Variants in COL28A1 observed in about 807,000 individuals in gnomAD.
COL28A1 encodes collagen alpha-1(XXVIII) chain.
COL28A1 carries 161 observed loss-of-function variants against 150.2 expected under a neutral mutation model. The ratio of observed to expected loss-of-function variants is 1.07; its 90% CI spans 0.94 to 1.22. COL28A1 has a LOEUF of 1.22. Ranked by LOEUF, COL28A1 falls within the 50% of genes most tolerant of loss-of-function variation. The pLI, the probability that COL28A1 is intolerant of heterozygous loss-of-function variation, is 0.00. For missense variants in COL28A1, 1,617 were observed against 1,388.3 expected, an observed-to-expected ratio of 1.16 and a Z score of -2.62; for synonymous variants, 552 against 469.7, an observed-to-expected ratio of 1.18 and a Z score of -2.26.
intron 25 of COL28A1, among the ~76,000 whole-genome samples, chr7:7,421,268 A>T (rs1399719052): frequency 1.3e-5 from 2 of 152,208 alleles, no homozygotes; most frequent in Non-Finnish European, 2.9e-5. Flanking sequence ...TAGAAACAAA[A>T]AGTAGATTAG....
intron 25 of COL28A1, among the ~76,000 whole-genome samples, chr7:7,420,587 CAT>C (rs1249774192): frequency 2.0e-5 from 3 of 152,200 alleles, no homozygotes; most frequent in Non-Finnish European, 4.4e-5. Flanking sequence ...CATGTATGTT[CAT>C]ATATGTTATT....
At chr7:7,405,594 A>G (rs1402198303) in intron 27 of COL28A1, among the ~76,000 whole-genome samples, 1 of 152,184 alleles carries the variant, frequency 6.6e-6, no homozygotes, top group Non-Finnish European at 1.5e-5. Context: ...CACTGTCTTT[A>G]TGCCAACAAA....
At chr7:7,342,354 T>A in the COL28A1 span, among the ~76,000 whole-genome samples, 1 of 152,078 alleles carries the variant, frequency 6.6e-6, no homozygotes, top group Non-Finnish European at 1.5e-5. Flanking sequence ...GGTAAAAGAA[T>A]GTATAGTTAG....
intron 27 of COL28A1, among the ~76,000 whole-genome samples, chr7:7,401,659 C>T (rs984401104): frequency 1.3e-5 from 2 of 152,096 alleles, no homozygotes; most frequent in African/African-American, 2.4e-5. Context: ...CTTCCACCAT[C>T]ACCACCCTGC....
At chr7:7,401,330 T>A (rs1783193891) in intron 27 of COL28A1, among the ~76,000 whole-genome samples, 1 of 152,058 alleles carries the variant, frequency 6.6e-6, no homozygotes, top group African/African-American at 2.4e-5. Flanking sequence ...CTCAAGACTT[T>A]AAATACCATC....
intron 15 of COL28A1, among the ~76,000 whole-genome samples, chr7:7,462,687 C>T (rs56084871): frequency 3.3e-5 from 5 of 151,886 alleles, no homozygotes; most frequent in East Asian, 1.9e-4. Context: ...AGAGAAACCC[C>T]GTCTCTACTA....
At chr7:7,415,348 G>A (rs1784010684) in intron 27 of COL28A1, among the ~76,000 whole-genome samples, 1 of 152,208 alleles carries the variant, frequency 6.6e-6, no homozygotes, top group Non-Finnish European at 1.5e-5. Flanking sequence ...AAATGACTCA[G>A]AAGAATGCCA....
chr7:7,458,751 T>C (rs1196080450), intron 15 of COL28A1, among the ~76,000 whole-genome samples: 1 of 152,098 alleles, frequency 6.6e-6, no homozygotes. Context: ...TTCAGATGAG[T>C]GTAAGTAACT....
intron 27 of COL28A1, chr7:7,417,489 AAGGGAAGGAGGGAGGGGG>A (rs1179576068): frequency 4.7e-5 from 10 of 214,980 alleles, no homozygotes; most frequent in South Asian, 1.1e-4. Context: ...TGAGGAAGGT[AAGGGAAGGAGGGAGGGGG>A]AGGGAAGGAG....
chr7:7,519,968 T>C (rs1033351272), intron 6 of COL28A1, 94 bp downstream of exon 6: 3 of 697,488 alleles, frequency 4.3e-6, no homozygotes, highest in African/African-American at 3.6e-5. Context: ...TTTTGCCATA[T>C]ACTACAATGC....
chr7:7,524,734 G>A (rs948479214), intron 3 of COL28A1, among the ~76,000 whole-genome samples: 1 of 151,920 alleles, frequency 6.6e-6, no homozygotes, highest in African/African-American at 2.4e-5. Context: ...AATATTAATG[G>A]GTGTTAGATC....
At chr7:7,350,655 CT>C in the COL28A1 span, among the ~76,000 whole-genome samples, 3,286 of 115,048 alleles carry the variant, frequency 0.029, 139 homozygotes, top group African/African-American at 0.1. Context: ...GTTTTCTTTC[CT>C]TTTTTTTTTT....
At chr7:7,385,723 G>C (rs912673103) in intron 27 of COL28A1, among the ~76,000 whole-genome samples, 1 of 152,080 alleles carries the variant, frequency 6.6e-6, no homozygotes, top group Non-Finnish European at 1.5e-5. Flanking sequence ...TAATGTTCAG[G>C]AACTTCTTTT....
Position 7,532,736 on chromosome 7 carries a change from ATTTT to A in COL28A1, c.124+12_124+15del. On this transcript the variant is annotated intron_variant, in intron 2 of 34. Transcript: ENST00000399429. ...AACAGGCTAAACTTAAAAACAAACA[ATTTT>A]TTTTTTTTTACCCTGGACATCACTT... 1.6e-6 allele frequency: 2 copies of A among 1,234,098 alleles called. No homozygotes were observed. Among genetic ancestry groups the A allele is most frequent in the Admixed American group, 2.4e-5 (1 of 42,180 alleles). The allele number at this position is 1,234,098 out of a possible 1,614,324, so 76.4% of individuals were successfully genotyped here. A position where few individuals can be genotyped will look rare whatever the true frequency, so the allele number is the denominator to read the frequency against.
intron 15 of COL28A1, among the ~76,000 whole-genome samples, chr7:7,469,635 A>G (rs1460306494): frequency 0.012 from 1,041 of 84,600 alleles, no homozygotes; most frequent in Middle Eastern, 0.031. Flanking sequence ...GAACCAAAAA[A>G]GAGCCCGCAT....
At chr7:7,539,328 T>C (rs12702618), upstream of COL28A1, among the ~76,000 whole-genome samples, 81,102 of 152,044 alleles carry the variant, frequency 0.53, 24,300 homozygotes, top group Admixed American at 0.67. Flanking sequence ...GATCATATGG[T>C]AAGAGGGAGC....
intron 27 of COL28A1, among the ~76,000 whole-genome samples, chr7:7,394,062 C>T (rs867481187): frequency 1.3e-5 from 2 of 152,018 alleles, no homozygotes; most frequent in Non-Finnish European, 2.9e-5. Flanking sequence ...GCCCTGGTGG[C>T]GTAGGCACCC....
chr7:7,429,649 T>C (rs1244981312), intron 25 of COL28A1, among the ~76,000 whole-genome samples: 1 of 152,146 alleles, frequency 6.6e-6, no homozygotes, highest in African/African-American at 2.4e-5. Context: ...TGATCCAAGT[T>C]CCCTTGATTC....
At chr7:7,485,080 C>A (rs1583480835) in intron 13 of COL28A1, among the ~76,000 whole-genome samples, 2 of 152,014 alleles carry the variant, frequency 1.3e-5, no homozygotes, top group East Asian at 1.9e-4. Context: ...CTGTGACATG[C>A]AATTTACCTA....
Sources: allele counts gnomAD v4.1 joint callset (sites outside exome capture counted in the v4.1 genomes callset), GRCh38; gene constraint gnomAD v4.1.1; transcripts MANE v1.5; gene names NCBI Gene and HGNC (gene_info 2026-07-23, HGNC 2026-07-21).